The following IGSF21 variants were observed in gnomAD, a reference collection of about 807,000 sequenced individuals.
IGSF21 encodes immunoglobulin superfamily member 21.
A neutral mutation model predicts 46.8 loss-of-function variants in IGSF21; 28 were observed. The observed-to-expected ratio is 0.60, with a 90% CI of 0.44 to 0.82. IGSF21 has a LOEUF of 0.82. IGSF21 is among the 40% of genes least tolerant of loss of function. IGSF21 has a pLI of 0.00. For missense variants in IGSF21, 624 were observed against 665.5 expected (o/e 0.94, Z 0.69); for synonymous variants, 284 against 273.6 (o/e 1.04, Z -0.38).
intron 4 of IGSF21, among the ~76,000 whole-genome samples, chr1:18,350,120 T>A (rs1000365057): frequency 4.6e-5 from 7 of 152,122 alleles, no homozygotes; most frequent in Non-Finnish European, 8.8e-5. Context: ...TCATGGTCCC[T>A]GCTCACCCAC....
Position 18,322,807 on chromosome 1 carries a change from T to C in IGSF21, c.306-12085T>C, listed in dbSNP as rs1013765834. Among the ~76,000 whole-genome samples the C allele has an allele frequency of 6.7e-6, 1 of 148,328 alleles. No homozygotes were observed. Among genetic ancestry groups the C allele is most frequent in the African/African-American group, 2.5e-5 (1 of 40,810 alleles). On this transcript the variant is annotated intron_variant, in intron 3 of 9. Transcript: ENST00000251296. The surrounding 1 kb of genome is among the most constrained non-coding windows in gnomAD (Gnocchi z 4.3). ...GACCTGGAGGAGGAAGTGGTTTCCA[T>C]GGCAGCAGCCAGAGTCTGGAAAAGA...
At chr1:18,180,135 T>G (rs76997091) in intron 1 of IGSF21, among the ~76,000 whole-genome samples, 45 of 152,336 alleles carry the variant, frequency 3.0e-4, no homozygotes, top group African/African-American at 1.0e-3. Flanking sequence ...CCATAGCACT[T>G]CCTGCTTCCT....
At chr1:18,241,124 G>A (rs1409104610) in intron 2 of IGSF21, among the ~76,000 whole-genome samples, 2 of 152,204 alleles carry the variant, frequency 1.3e-5, no homozygotes, top group South Asian at 2.1e-4. Context: ...ACACCTGGGA[G>A]TTGAGAGGAG....
chr1:18,308,935 G>A (rs980720703), intron 3 of IGSF21, among the ~76,000 whole-genome samples: 4 of 152,144 alleles, frequency 2.6e-5, no homozygotes, highest in African/African-American at 9.7e-5. Context: ...CACAGGTGCA[G>A]CCTGGAGCTG....
intron 4 of IGSF21, among the ~76,000 whole-genome samples, chr1:18,359,408 A>C (rs573648229): frequency 1.0e-4 from 15 of 145,838 alleles, no homozygotes; most frequent in African/African-American, 3.8e-4. Context: ...GGAAGGAAGG[A>C]AGGAAGGAAG....
intron 6 of IGSF21, among the ~76,000 whole-genome samples, chr1:18,367,191 A>T (rs1193749068): frequency 6.6e-6 from 1 of 152,228 alleles, no homozygotes; most frequent in Non-Finnish European, 1.5e-5. Context: ...TTGGGACTGC[A>T]GCTTGTGTCA....
chr1:18,128,656 G>A (rs902162699), intron 1 of IGSF21, among the ~76,000 whole-genome samples: 3 of 152,136 alleles, frequency 2.0e-5, no homozygotes, highest in Non-Finnish European at 2.9e-5. Flanking sequence ...TCCACGTGGT[G>A]GGCCCTACTG....
At chr1:18,155,234 G>A (rs982715472) in intron 1 of IGSF21, among the ~76,000 whole-genome samples, 2 of 152,128 alleles carry the variant, frequency 1.3e-5, no homozygotes, top group Admixed American at 6.5e-5. Context: ...AGGCTGTCCT[G>A]TTACACCTGG....
chr1:18,258,546 T>C (rs2084913049), intron 2 of IGSF21, among the ~76,000 whole-genome samples: 1 of 152,202 alleles, frequency 6.6e-6, no homozygotes, highest in Non-Finnish European at 1.5e-5. Flanking sequence ...TGGGCATGTC[T>C]GAGCCTCAGT....
rs199889644 is a variant in IGSF21, at chr1:18,365,292, G to A, written c.610G>A (p.Gly204Ser). 22 of 1,613,670 alleles carry A rather than the reference G, an allele frequency of 1.4e-5. No homozygotes were observed. Among genetic ancestry groups the A allele is most frequent in the South Asian group, 9.9e-5 (9 of 91,054 alleles). The change falls in exon 6 of 10, where the codon GGC becomes AGC. Residue 204 changes from glycine (G) to serine (S), a missense_variant. By Grantham distance (56) the Gly-to-Ser change is moderately conservative (BLOSUM62 0). Transcript: ENST00000251296. This position sits in a 1 kb window ranked among gnomAD's most constrained non-coding sequence, Gnocchi z 4.8. ...ATCAGAGCCACCAGCTGCGAGCTCC[G>A]GCCCCCTACAGGACAGCAGGCCCTT... ...PLSEPPAASS[G>S]PLQDSRPFRS... is the part of the protein sequence containing the mutation.
intron 1 of IGSF21, among the ~76,000 whole-genome samples, chr1:18,152,695 G>T (rs1465545665): frequency 1.3e-5 from 2 of 152,080 alleles, no homozygotes; most frequent in African/African-American, 4.8e-5. Flanking sequence ...TTGGTCTCTG[G>T]CCATGGAGGG....
intron 2 of IGSF21, among the ~76,000 whole-genome samples, chr1:18,238,821 T>C (rs1227179285): frequency 6.6e-6 from 1 of 152,204 alleles, no homozygotes; most frequent in Non-Finnish European, 1.5e-5. Flanking sequence ...CACACCATCC[T>C]GCTGTGTGAT....
chr1:18,362,129 A>C lies in IGSF21; in HGVS notation c.439A>C (p.Ile147Leu), dbSNP rs1365127641. ...FLNVMAPPTS[I>L]EVVAADTPAP... is the part of the protein sequence containing the mutation. Reference sequence around the variant, plus strand: ...TTTTGGGGCAGCTCCTCCCACCTCCATTGAAGTGGTGGCTGCTGACACACC... The same window carrying C: ...TTTTGGGGCAGCTCCTCCCACCTCCCTTGAAGTGGTGGCTGCTGACACACC... Residue 147 changes from isoleucine to leucine, a missense_variant, in exon 5 of 10, where the codon ATT (isoleucine) becomes CTT (leucine). Physicochemically the swap from Ile to Leu is conservative, Grantham distance 5 (BLOSUM62 2). Transcript: ENST00000251296. 1 of 1,610,160 alleles carries C rather than the reference A, an allele frequency of 6.2e-7. No homozygotes were observed. Among genetic ancestry groups the C allele is most frequent in the South Asian group, 1.1e-5 (1 of 89,966 alleles).
intron 2 of IGSF21, among the ~76,000 whole-genome samples, chr1:18,247,615 C>T (rs1557605805): frequency 6.6e-6 from 1 of 152,100 alleles, no homozygotes; most frequent in Non-Finnish European, 1.5e-5. Flanking sequence ...AAGTAACGCC[C>T]CTGGATGGGG....
intron 3 of IGSF21, among the ~76,000 whole-genome samples, chr1:18,294,315 T>A (rs2085293201): frequency 6.6e-6 from 1 of 152,152 alleles, no homozygotes; most frequent in Non-Finnish European, 1.5e-5. Flanking sequence ...TGCCATTGCC[T>A]AGAACAACCT....
intron 1 of IGSF21, among the ~76,000 whole-genome samples, chr1:18,225,397 G>C (rs1045591436): frequency 2.0e-5 from 3 of 151,678 alleles, no homozygotes; most frequent in Non-Finnish European, 2.9e-5. Context: ...TCCCCTACTT[G>C]CCCTCCCCGC....
intron 1 of IGSF21, among the ~76,000 whole-genome samples, chr1:18,211,462 T>A (rs1021422074): frequency 6.6e-6 from 1 of 152,202 alleles, no homozygotes; most frequent in Non-Finnish European, 1.5e-5. Context: ...CCTTTGCAAA[T>A]TTCCAGGCCC....
intron 4 of IGSF21, among the ~76,000 whole-genome samples, chr1:18,357,206 T>TTGGGGATGGGGGTAGATA: frequency 7.4e-6 from 1 of 134,360 alleles, no homozygotes; most frequent in Non-Finnish European, 1.6e-5. Context: ...GGGAGTGGGG[T>TTGGGGATGGGGGTAGATA]TGGGGATGGG....
intron 2 of IGSF21, among the ~76,000 whole-genome samples, chr1:18,262,299 G>A (rs2084953972): frequency 6.6e-6 from 1 of 152,178 alleles, no homozygotes; most frequent in Non-Finnish European, 1.5e-5. Context: ...CTGGCGACCG[G>A]ATAAAGAACC....
Sources: gnomAD v4.1 joint callset for allele counts (sites outside exome capture counted in the v4.1 genomes callset) on GRCh38, gnomAD v4.1.1 for gene constraint, Gnocchi (gnomAD v3.1) non-coding constraint, MANE v1.5 for transcripts, NCBI Gene and HGNC (gene_info 2026-07-23, HGNC 2026-07-21) for gene names.